ADRA1A: variants seen among roughly 807,000 people sequenced by gnomAD.
ADRA1A encodes the protein alpha-1A adrenergic receptor.
A neutral mutation model predicts 29.6 loss-of-function variants in ADRA1A; 31 were observed. The observed-to-expected ratio is 1.05, with a 90% CI of 0.79 to 1.41. The LOEUF (loss-of-function observed/expected upper bound fraction) is 1.41. ADRA1A is among the 40% of genes most tolerant of loss of function. The pLI is 0.00. For synonymous variants in ADRA1A, 311 were observed against 254.3 expected (o/e 1.22, Z -2.12); for missense variants, 619 against 601.1 (o/e 1.03, Z -0.31).
chr8:26,845,277 G>C (rs1290380619), intron 2 of ADRA1A, among the ~76,000 whole-genome samples: 1 of 152,126 alleles, frequency 6.6e-6, no homozygotes, highest in Non-Finnish European at 1.5e-5. Flanking sequence ...AATGGGCAAA[G>C]GATGTGAATA....
In ADRA1A at chr8:26,848,689, G is replaced by C. The variant is rs511662; in HGVS notation, c.883+15398C>G. On this transcript the variant is annotated intron_variant, in intron 2 of 2. Coordinates refer to ENST00000380573, the MANE Select transcript of ADRA1A (RefSeq NM_000680.4). This position sits in a 1 kb window ranked among gnomAD's most constrained non-coding sequence, Gnocchi z 4.3. ...CTTGACATCACACACATCCTCAGGT[G>C]TGTGAATGGTTTCACTTCTTCTTTC... is the stretch of plus-strand genomic sequence containing the variant. Among the ~76,000 whole-genome samples the C allele has an allele frequency of 0.2, 30,941 of 152,106 alleles. 3,362 individuals carry two copies. Among genetic ancestry groups the C allele is most frequent in the Non-Finnish European group, 0.25 (16,736 of 67,994 alleles).
At chr8:26,827,904 A>AT (rs901167586) in intron 2 of ADRA1A, among the ~76,000 whole-genome samples, 1 of 151,748 alleles carries the variant, frequency 6.6e-6, no homozygotes, top group Non-Finnish European at 1.5e-5. Flanking sequence ...TTTTATTATT[A>AT]TTTTTTTGAG....
At chr8:26,764,118 G>T (rs1018206756), downstream of ADRA1A, among the ~76,000 whole-genome samples, 2 of 152,166 alleles carry the variant, frequency 1.3e-5, no homozygotes, top group African/African-American at 4.8e-5. Flanking sequence ...CCAAGTGCAG[G>T]GCGGGGTGCA....
At chr8:26,790,738 T>C (rs1045959631) in intron 2 of ADRA1A, among the ~76,000 whole-genome samples, 1 of 152,182 alleles carries the variant, frequency 6.6e-6, no homozygotes, top group Non-Finnish European at 1.5e-5. Flanking sequence ...TGTATGGTTA[T>C]TTTGTGTCAA....
At chr8:26,797,576 G>A (rs1808270434) in intron 2 of ADRA1A, among the ~76,000 whole-genome samples, 1 of 152,128 alleles carries the variant, frequency 6.6e-6, no homozygotes, top group African/African-American at 2.4e-5. Flanking sequence ...TGAGATTACA[G>A]GTGTGAGCCA....
In ADRA1A at chr8:26,864,365, A is replaced by G. The variant is rs1244862946; in HGVS notation, c.605T>C (p.Val202Ala). The G allele has an allele frequency of 6.2e-7, 1 of 1,613,960 alleles. No individual in the cohort carries two copies. The highest frequency in any genetic ancestry group is 1.1e-5 in the South Asian group (1 of 91,076). ...CACCACGTAGACGCGGCAGTACATG[A>G]CCAGGATGATGGCCAGAGGCAGGTA... ...SFYLPLAIIL[V>A]MYCRVYVVAK... The change falls in exon 2 of 3, where the codon GTC (valine) becomes GCC (alanine). Residue 202 changes from valine (V) to alanine (A), a missense_variant. Val to Ala is a moderately conservative substitution (Grantham distance 64). Coordinates refer to ENST00000380573, the MANE Select transcript of ADRA1A (RefSeq NM_000680.4). The surrounding 1 kb of genome is among the most constrained non-coding windows in gnomAD (Gnocchi z 8.1).
chr8:26,813,478 C>T (rs1311969350), intron 2 of ADRA1A, among the ~76,000 whole-genome samples: 1 of 151,382 alleles, frequency 6.6e-6, no homozygotes, highest in African/African-American at 2.4e-5. Context: ...GATCTTAATT[C>T]CTCTTGCATC....
intron 2 of ADRA1A, among the ~76,000 whole-genome samples, chr8:26,838,933 C>A (rs945177624): frequency 2.6e-5 from 4 of 152,182 alleles, no homozygotes; most frequent in African/African-American, 9.7e-5. Flanking sequence ...GGCCACCTGA[C>A]CCTCACCATG....
intron 2 of ADRA1A, among the ~76,000 whole-genome samples, chr8:26,797,870 C>A (rs1808289431): frequency 6.6e-6 from 1 of 152,124 alleles, no homozygotes; most frequent in South Asian, 2.1e-4. Context: ...GTTAAGTGCT[C>A]ATAAAGTCCA....
chr8:26,839,968 G>A (rs901622994), intron 2 of ADRA1A, among the ~76,000 whole-genome samples: 2 of 152,200 alleles, frequency 1.3e-5, no homozygotes, highest in African/African-American at 4.8e-5. Flanking sequence ...AGACACCTTT[G>A]TACGGAGCTT....
intron 2 of ADRA1A, among the ~76,000 whole-genome samples, chr8:26,840,134 A>G (rs973243984): frequency 1.3e-5 from 2 of 152,216 alleles, no homozygotes; most frequent in African/African-American, 4.8e-5. Flanking sequence ...AATGGATGCA[A>G]CATTTGTAAA....
rs373399097 is a variant in ADRA1A, at chr8:26,866,806, G to A, written c.-687+130C>T. 36 of 896,608 alleles carry A rather than the reference G, an allele frequency of 4.0e-5. 1 individual carries two copies. In the East Asian group the frequency reaches 1.7e-3, roughly 41 times the overall value. The allele number at this position is 896,608 out of a possible 1,614,324, so 55.5% of individuals were successfully genotyped here. On this transcript the variant is annotated intron_variant, in intron 1 of 2. Transcript: ENST00000380573. The surrounding 1 kb of genome is among the most constrained non-coding windows in gnomAD (Gnocchi z 5.7). ...TAAGGGAATCGGGGGTGGGGTAGAGGGGCCGGTATAAAACCTGGTGGAAAA... is the reference window on the plus strand; with the variant it reads ...TAAGGGAATCGGGGGTGGGGTAGAGAGGCCGGTATAAAACCTGGTGGAAAA...
intron 2 of ADRA1A, among the ~76,000 whole-genome samples, chr8:26,816,115 C>T (rs564369950): frequency 4.6e-5 from 7 of 152,200 alleles, no homozygotes; most frequent in South Asian, 2.1e-4. Context: ...GGCCTGAGGG[C>T]GTGGGGAGGA....
intron 2 of ADRA1A, among the ~76,000 whole-genome samples, chr8:26,824,324 CA>C (rs771157155): frequency 6.6e-6 from 1 of 151,870 alleles, no homozygotes; most frequent in Non-Finnish European, 1.5e-5. Context: ...GATGGCAAAG[CA>C]TAGGAATTAA....
intron 2 of ADRA1A, among the ~76,000 whole-genome samples, chr8:26,771,139 A>G (rs904912590): frequency 1.3e-5 from 2 of 152,216 alleles, no homozygotes; most frequent in Non-Finnish European, 2.9e-5. Flanking sequence ...CTCCCCTCCC[A>G]AATGTTAGAA....
Position 26,864,630 on chromosome 8 carries a change from T to C in ADRA1A, c.340A>G (p.Ile114Val), listed in dbSNP as rs1256300248. Reference sequence around the variant, plus strand: ...ATGGAGATGATGCAGAGGCCCATGATGGACGCGGTGCAGCACAGCACATCC... The same window carrying C: ...ATGGAGATGATGCAGAGGCCCATGACGGACGCGGTGCAGCACAGCACATCC... ...AVDVLCCTAS[I>V]MGLCIISIDR... is the part of the protein sequence containing the mutation. Residue 114 changes from isoleucine to valine, a missense_variant, in exon 2 of 3, where the codon ATC becomes GTC. Transcript: ENST00000380573. This position sits in a 1 kb window ranked among gnomAD's most constrained non-coding sequence, Gnocchi z 8.1. The C allele has an allele frequency of 1.9e-6, 3 of 1,614,094 alleles. No homozygotes were observed. The highest frequency in any genetic ancestry group is 2.2e-5 in the East Asian group (1 of 44,852).
chr8:26,843,551 A>AC lies in ADRA1A; in HGVS notation c.883+20535_883+20536insG, dbSNP rs200400723. 6.2e-4 allele frequency among the ~76,000 whole-genome samples: 94 copies of AC among 152,354 alleles called. 1 individual carries two copies. The East Asian group carries it at 0.018, about 28-fold the overall frequency. ...TGAACACCTTGCTTGCCATATGATC[A>AC]ACATGGCTCTATGAGGCAGTTAAAA... is the stretch of plus-strand genomic sequence containing the variant. On this transcript the variant is annotated intron_variant, in intron 2 of 2. Coordinates refer to ENST00000380573, the MANE Select transcript of ADRA1A (RefSeq NM_000680.4).
rs952898325 is a variant in ADRA1A at position 26,834,327 on chromosome 8, A to G, written c.883+29760T>C. 3.3e-5 allele frequency among the ~76,000 whole-genome samples: 5 copies of G among 152,230 alleles called. No homozygotes were observed. In the South Asian group the frequency reaches 1.0e-3, roughly 31 times the overall value. ...ATTTATAAATTAACAGCATTTCAAC[A>G]AAGAGTTTACTTAGAACTAGACAAA... On this transcript the variant is annotated intron_variant, in intron 2 of 2. Transcript: ENST00000380573.
Position 26,823,327 on chromosome 8 carries a change from C to T in ADRA1A, c.883+40760G>A, listed in dbSNP as rs866216571. Among the ~76,000 whole-genome samples, 16 of 152,244 alleles carry T rather than the reference C, an allele frequency of 1.1e-4. No homozygotes were observed. Among genetic ancestry groups the T allele is most frequent in the African/African-American group, 3.9e-4 (16 of 41,544 alleles). On this transcript the variant is annotated intron_variant, in intron 2 of 2. Coordinates refer to ENST00000380573, the MANE Select transcript of ADRA1A (RefSeq NM_000680.4). This position sits in a 1 kb window ranked among gnomAD's most constrained non-coding sequence, Gnocchi z 4.2. ...GGGCATGGGCGGTGACTTCCATCTGCTTCCTCATGGAGCACAGCCTCACAG... is the reference window on the plus strand; with the variant it reads ...GGGCATGGGCGGTGACTTCCATCTGTTTCCTCATGGAGCACAGCCTCACAG...
Sources: gnomAD v4.1 joint callset for allele counts (sites outside exome capture counted in the v4.1 genomes callset) on GRCh38, gnomAD v4.1.1 for gene constraint, Gnocchi (gnomAD v3.1) non-coding constraint, MANE v1.5 for transcripts, NCBI Gene and HGNC (gene_info 2026-07-23, HGNC 2026-07-21) for gene names.